The following LSM1 variants were observed in gnomAD, a reference collection of about 807,000 sequenced individuals.
The protein encoded by LSM1 is U6 snRNA-associated Sm-like protein LSm1.
LSM1 carries 13 observed loss-of-function variants against 18.0 expected under a neutral mutation model. The observed-to-expected ratio is 0.72, with a 90% confidence interval of 0.47 to 1.15. The LOEUF (loss-of-function observed/expected upper bound fraction) is 1.15, where lower values mean the gene tolerates loss of function less well. Ranked by LOEUF, LSM1 falls within the 50% of genes most tolerant of loss-of-function variation. LSM1 has a pLI of 0.00. For synonymous variants in LSM1, 46 were observed against 56.0 expected (o/e 0.82, Z 0.80); for missense variants, 152 against 157.7 (o/e 0.96, Z 0.19).
At chr8:38,164,185 G>A (rs1802888707) in intron 3 of LSM1, among the ~76,000 whole-genome samples, 1 of 152,162 alleles carries the variant, frequency 6.6e-6, no homozygotes, top group South Asian at 2.1e-4. Context: ...CTCCTGAGTA[G>A]CTGTGATTAC....
At chr8:38,172,191 C>G (rs192374669) in intron 1 of LSM1, among the ~76,000 whole-genome samples, 158 bp from the exon 2 acceptor site, 3 of 151,856 alleles carry the variant, frequency 2.0e-5, no homozygotes, top group Admixed American at 6.5e-5. Context: ...CACAGCAACG[C>G]GGATTTAGAT....
chr8:38,170,041 T>TA (rs1362710048), intron 2 of LSM1, 124 bp from the exon 3 acceptor site: 3 of 549,368 alleles, frequency 5.5e-6, no homozygotes, highest in Non-Finnish European at 9.7e-6. Flanking sequence ...TTCTAATTAT[T>TA]TTTATTTATT....
chr8:38,174,119 G>GT (rs1803075826), intron 1 of LSM1, among the ~76,000 whole-genome samples: 1 of 152,174 alleles, frequency 6.6e-6, no homozygotes, highest in Non-Finnish European at 1.5e-5. Flanking sequence ...CAGGAGTAAT[G>GT]TAAGTAGTCT....
At chr8:38,173,194 A>G (rs1227922132) in intron 1 of LSM1, among the ~76,000 whole-genome samples, 1 of 152,178 alleles carries the variant, frequency 6.6e-6, no homozygotes, top group African/African-American at 2.4e-5. Flanking sequence ...CAGAGGAAAA[A>G]CACAGTGACT....
In LSM1 at chr8:38,176,481, G is replaced by C. The variant is rs1168605669; in HGVS notation, c.-161C>G. 1.7e-5 allele frequency: 11 copies of C among 628,822 alleles called. No individual in the cohort carries two copies. In the East Asian group the frequency reaches 3.0e-4, roughly 17 times the overall value. 39.0% of individuals were successfully genotyped at this position (628,822 alleles called of 1,614,324 possible). A position where few individuals can be genotyped will look rare whatever the true frequency, so the allele number is the denominator to read the frequency against. ...TTTCAGCCGCCGGGGGCTGCCGGAAGCTCCTCCATATTACCCTTACCCACT... is the reference window on the plus strand; with the variant it reads ...TTTCAGCCGCCGGGGGCTGCCGGAACCTCCTCCATATTACCCTTACCCACT... On this transcript the variant is annotated 5_prime_UTR_variant, in exon 1 of 4. Coordinates refer to ENST00000311351, the MANE Select transcript of LSM1 (RefSeq NM_014462.3).
intron 1 of LSM1, among the ~76,000 whole-genome samples, chr8:38,175,041 A>G (rs1237792079): frequency 1.8e-4 from 27 of 149,642 alleles, no homozygotes; most frequent in East Asian, 3.9e-4. Context: ...AAAAAAAAAA[A>G]AAAGAAAAGA....
At chr8:38,165,871 C>G (rs1412424361) in intron 3 of LSM1, 1 of 152,020 alleles carries the variant, frequency 6.6e-6, no homozygotes, top group African/African-American at 2.4e-5. Context: ...CAAAGTGAGA[C>G]GCTGCCTCAA....
chr8:38,173,494 TG>T lies in LSM1; in HGVS notation c.47-1462del, dbSNP rs1437023588. 5.3e-5 allele frequency among the ~76,000 whole-genome samples: 8 copies of T among 152,064 alleles called. 1 individual carries two copies. Among genetic ancestry groups the T allele is most frequent in the African/African-American group, 1.9e-4 (8 of 41,416 alleles). On this transcript the variant is annotated intron_variant, in intron 1 of 3. Coordinates refer to ENST00000311351, the MANE Select transcript of LSM1 (RefSeq NM_014462.3). ...ACAGTAGATAAAGTCAGAAAAGTAC[TG>T]GGCGCAGGCTGCATCTGGATTTGAC...
At chr8:38,173,362 T>G (rs1585642776) in intron 1 of LSM1, among the ~76,000 whole-genome samples, 11 of 136,132 alleles carry the variant, frequency 8.1e-5, no homozygotes, top group African/African-American at 1.7e-4. Flanking sequence ...ACAAGAAGAG[T>G]GATAGGAAGG....
intron 2 of LSM1, among the ~76,000 whole-genome samples, chr8:38,170,446 A>G (rs925481597): frequency 6.6e-6 from 1 of 152,222 alleles, no homozygotes; most frequent in Non-Finnish European, 1.5e-5. Context: ...GGGCTAATAC[A>G]TGAATGACAG....
intron 3 of LSM1, among the ~76,000 whole-genome samples, chr8:38,164,322 G>T (rs778679671): frequency 1.4e-4 from 21 of 152,048 alleles, no homozygotes; most frequent in Non-Finnish European, 2.2e-4. Context: ...AAAGTGCTGG[G>T]ATTATAGGCA....
At chr8:38,164,010 A>G (rs1802885207) in intron 3 of LSM1, among the ~76,000 whole-genome samples, 170 bp from the exon 4 acceptor site, 1 of 152,182 alleles carries the variant, frequency 6.6e-6, no homozygotes, top group Admixed American at 6.5e-5. Flanking sequence ...AATGCCTGAC[A>G]ACACTACTAT....
At chr8:38,166,408 T>C (rs1191987282) in intron 3 of LSM1, among the ~76,000 whole-genome samples, 1 of 152,224 alleles carries the variant, frequency 6.6e-6, no homozygotes, top group African/African-American at 2.4e-5. Context: ...CTGGCCCTTA[T>C]AAACATTTGC....
chr8:38,164,191 A>G (rs1157443521), intron 3 of LSM1, among the ~76,000 whole-genome samples: 1 of 152,110 alleles, frequency 6.6e-6, no homozygotes, highest in Non-Finnish European at 1.5e-5. Context: ...AGTAGCTGTG[A>G]TTACAGGCAC....
intron 3 of LSM1, among the ~76,000 whole-genome samples, chr8:38,168,714 T>C (rs1035494067): frequency 4.0e-5 from 6 of 151,864 alleles, no homozygotes; most frequent in African/African-American, 7.2e-5. Context: ...TTTATAAGTA[T>C]TACTTATAAA....
intron 2 of LSM1, chr8:38,171,077 A>T: frequency 2.6e-6 from 1 of 390,852 alleles, no homozygotes; most frequent in South Asian, 1.8e-5. Context: ...ACAAAGACAG[A>T]GGCCTCTTAT....
Position 38,176,273 on chromosome 8 carries a change from A to G in LSM1, c.46+2T>C. On this transcript the variant is annotated splice_donor_variant, in intron 1 of 3. Transcript: ENST00000311351. LOFTEE classifies it high-confidence loss of function. ...TCCACCGGGAGGAGATAAACTACTC[A>G]CTGTCAATGTCCTCGATGAGGCTGG... The G allele has an allele frequency of 6.2e-7, 1 of 1,613,492 alleles. No homozygotes were observed. Among genetic ancestry groups the G allele is most frequent in the African/African-American group, 1.3e-5 (1 of 75,046 alleles).
intron 1 of LSM1, among the ~76,000 whole-genome samples, chr8:38,172,315 T>C (rs1453241326): frequency 6.8e-6 from 1 of 146,056 alleles, no homozygotes; most frequent in Non-Finnish European, 1.5e-5. Flanking sequence ...TTTTTTTTTT[T>C]CCTTTTTTCT....
chr8:38,172,159 A>C (rs2130646258), intron 1 of LSM1, 126 bp from the exon 2 acceptor site: 3 of 684,992 alleles, frequency 4.4e-6, no homozygotes, highest in Non-Finnish European at 5.1e-6. Context: ...GTTCAAGTTC[A>C]TTGGAAAACT....
Sources: gnomAD v4.1 joint callset for allele counts (sites outside exome capture counted in the v4.1 genomes callset) on GRCh38, gnomAD v4.1.1 for gene constraint, MANE v1.5 for transcripts, NCBI Gene and HGNC (gene_info 2026-07-23, HGNC 2026-07-21) for gene names.